Variants in ARHGEF10 observed in about 807,000 individuals in gnomAD.
ARHGEF10 encodes Rho guanine nucleotide exchange factor (GEF) 10.
ARHGEF10 carries 140 observed loss-of-function variants against 147.4 expected under a neutral mutation model. That is an observed-to-expected ratio of 0.95 (90% confidence interval 0.83 to 1.09). ARHGEF10 has a LOEUF of 1.09. Among genes scored for constraint, ARHGEF10 ranks in the 50% least tolerant of loss-of-function variants. The pLI, the probability that ARHGEF10 is intolerant of heterozygous loss-of-function variation, is 0.00. For missense variants in ARHGEF10, 2,222 were observed against 1,752.7 expected, an observed-to-expected ratio of 1.27 and a Z score of -4.78; for synonymous variants, 902 against 695.8, an observed-to-expected ratio of 1.30 and a Z score of -4.67.
In ARHGEF10 at chr8:1,858,075, G is replaced by A; in HGVS notation, c.153G>A (p.Glu51=). ...ACAGACAGGCCCCATCCGCCCCTGA[G>A]ACAGGAGGTGCTGGAGCCAGTGAAG... The part of the protein sequence containing the change: ...EADRQAPSAP[E]TGGAGASEAP... Residue 51 remains glutamate (E), a synonymous_variant, in exon 3 of 29, where the codon GAG becomes GAA. Transcript: ENST00000349830. The A allele has an allele frequency of 3.7e-6, 6 of 1,612,648 alleles. No homozygotes were observed. The highest frequency in any genetic ancestry group is 5.1e-6 in the Non-Finnish European group (6 of 1,179,542).
At chr8:1,888,135 G>C (rs1472180058) in intron 11 of ARHGEF10, among the ~76,000 whole-genome samples, 1 of 100,428 alleles carries the variant, frequency 1.0e-5, no homozygotes, top group African/African-American at 3.8e-5. Context: ...GAGGGTTTGC[G>C]AGGAGACACT....
chr8:1,871,333 A>C (rs927215911), intron 7 of ARHGEF10, among the ~76,000 whole-genome samples: 2 of 152,118 alleles, frequency 1.3e-5, no homozygotes, highest in African/African-American at 4.8e-5. Context: ...ATTTCCTCAT[A>C]ATAACTGAAT....
In ARHGEF10 at chr8:1,933,929, C is replaced by T. The variant is rs1427932674; in HGVS notation, c.3209C>T (p.Thr1070Ile). 2 of 1,614,162 alleles carry T rather than the reference C, an allele frequency of 1.2e-6. No homozygotes were observed. Among genetic ancestry groups the T allele is most frequent in the Middle Eastern group, 1.6e-4 (1 of 6,062 alleles). Residue 1070 changes from threonine (T) to isoleucine (I), a missense_variant, in exon 26 of 29, where the codon ACT becomes ATT. Thr to Ile is a moderately conservative substitution (Grantham distance 89). Transcript: ENST00000349830. The stretch of plus-strand genomic sequence containing the variant: ...CAAGTCTTCATCATCAGTGTGGAGA[C>T]TCATGCTGTAGAGGTAAGTCACTTA... ...GGQVFIISVE[T>I]HAVEGQLEAH...
chr8:1,838,962 GTCTGGCGTGGGGACTC>G (rs1285852042), intron 1 of ARHGEF10, among the ~76,000 whole-genome samples: 1 of 151,552 alleles, frequency 6.6e-6, no homozygotes, highest in Admixed American at 6.6e-5. Context: ...CATGGAAGCT[GTCTGGCGTGGGGACTC>G]TCTGGCGTGG....
At position 1,864,770 on chromosome 8, in the gene ARHGEF10, C is replaced by T. The variant is rs745347700; in HGVS notation, c.545+334C>T. Reference sequence around the variant, plus strand: ...GGCCTTTGCAGGGTAAAGCGTCCCCCGTGAAACCGCCTGCAGGCGGGTGGG... The same window carrying T: ...GGCCTTTGCAGGGTAAAGCGTCCCCTGTGAAACCGCCTGCAGGCGGGTGGG... On this transcript the variant is annotated intron_variant, in intron 5 of 28. Transcript: ENST00000349830. 3.3e-5 allele frequency among the ~76,000 whole-genome samples: 5 copies of T among 152,200 alleles called. 1 individual carries two copies. The highest frequency in any genetic ancestry group is 2.0e-4 in the Admixed American group (3 of 15,280).
At chr8:1,828,010 G>T (rs771268205) in intron 1 of ARHGEF10, among the ~76,000 whole-genome samples, 1 of 152,178 alleles carries the variant, frequency 6.6e-6, no homozygotes, top group Non-Finnish European at 1.5e-5. Flanking sequence ...GCCATTCTAG[G>T]TTCCAATATC....
In ARHGEF10 at chr8:1,923,830, A is replaced by G. The variant is rs1290113376; in HGVS notation, c.2444A>G (p.Lys815Arg). The change falls in exon 21 of 29, where the codon AAG (lysine) becomes AGG (arginine). Residue 815 changes from lysine (K) to arginine (R), a missense_variant. Physicochemically the swap from Lys to Arg is conservative, Grantham distance 26. Coordinates refer to ENST00000349830, the MANE Select transcript of ARHGEF10 (RefSeq NM_014629.4). The stretch of plus-strand genomic sequence containing the variant: ...TTCAATACGTTCACCCCTGCCATCA[A>G]GGAGTCCTGGGTCAACAGCTTACAG... ...AVFNTFTPAIKESWVNSLQMA... is the reference protein window; with the variant it reads ...AVFNTFTPAIRESWVNSLQMA... 1.9e-6 allele frequency: 3 copies of G among 1,614,174 alleles called. No individual in the cohort carries two copies. The Admixed American group carries it at 5.0e-5, about 27-fold the overall frequency.
chr8:1,949,018 A>G (rs62476261), intron 27 of ARHGEF10, among the ~76,000 whole-genome samples: 1,603 of 150,086 alleles, frequency 0.011, 46 homozygotes, highest in African/African-American at 0.037. Context: ...ATGGGTTTTC[A>G]TGTGTGTGTG....
At chr8:1,859,804 A>T (rs1337703126) in intron 3 of ARHGEF10, 93 bp from the exon 4 acceptor site, 1 of 1,472,942 alleles carries the variant, frequency 6.8e-7, no homozygotes, top group Non-Finnish European at 9.4e-7. Context: ...TGATGGTGGG[A>T]GCTCATACCT....
At chr8:1,824,516 T>C (rs1802616818) in intron 1 of ARHGEF10, among the ~76,000 whole-genome samples, 1 of 151,732 alleles carries the variant, frequency 6.6e-6, no homozygotes, top group Non-Finnish European at 1.5e-5. Context: ...GAAGGACCGG[T>C]GTAAGGAAAG....
At chr8:1,924,258 C>T (rs971211248) in intron 21 of ARHGEF10, among the ~76,000 whole-genome samples, 2 of 152,120 alleles carry the variant, frequency 1.3e-5, no homozygotes, top group African/African-American at 4.8e-5. Flanking sequence ...GCTCACCCCT[C>T]ACTGAGAAGC....
intron 4 of ARHGEF10, among the ~76,000 whole-genome samples, chr8:1,863,912 C>G (rs2294031): frequency 0.048 from 7,263 of 151,866 alleles, 281 homozygotes; most frequent in African/African-American, 0.11. Flanking sequence ...AGCGTAACCA[C>G]TCCTCTCTTG....
At position 1,955,838 on chromosome 8, in the gene ARHGEF10, G is replaced by C. The variant is rs1815519357; in HGVS notation, c.3521-911G>C. 2.0e-5 allele frequency among the ~76,000 whole-genome samples: 3 copies of C among 152,266 alleles called. No individual in the cohort carries two copies. The South Asian group carries it at 6.2e-4, about 31-fold the overall frequency. On this transcript the variant is annotated intron_variant, in intron 28 of 28. Coordinates refer to ENST00000349830, the MANE Select transcript of ARHGEF10 (RefSeq NM_014629.4). ...GGCTTGCCCAGGGGCAGCATCGCTG[G>C]TGTGCAGGGATCACAGGTGTGTGCT...
chr8:1,827,860 C>A (rs558612751), intron 1 of ARHGEF10, among the ~76,000 whole-genome samples: 10 of 152,106 alleles, frequency 6.6e-5, no homozygotes, highest in Non-Finnish European at 1.3e-4. Flanking sequence ...AATATGGTAT[C>A]CAGAGCTGTG....
chr8:1,863,820 GT>G (rs1806354751), intron 4 of ARHGEF10, among the ~76,000 whole-genome samples: 1 of 152,002 alleles, frequency 6.6e-6, no homozygotes, highest in African/African-American at 2.4e-5. Context: ...GGGAGGAATC[GT>G]CAGGCGGGTC....
At chr8:1,952,919 C>G in intron 28 of ARHGEF10, 92 bp downstream of exon 28, 1 of 1,546,402 alleles carries the variant, frequency 6.5e-7, no homozygotes, top group Non-Finnish European at 8.9e-7. Context: ...TCCTAGGATT[C>G]TTTAAACAAT....
intron 4 of ARHGEF10, 128 bp downstream of exon 4, chr8:1,860,312 G>T: frequency 7.6e-7 from 1 of 1,322,442 alleles, no homozygotes; most frequent in East Asian, 2.5e-5. Flanking sequence ...TAGAGTCCGG[G>T]CCTGACCTTC....
intron 9 of ARHGEF10, among the ~76,000 whole-genome samples, chr8:1,882,253 G>T (rs1244389669): frequency 6.6e-6 from 1 of 152,234 alleles, no homozygotes. Flanking sequence ...GCCCCGGGGA[G>T]GTTAAAAGGC....
chr8:1,945,396 C>T (rs1814482467), intron 26 of ARHGEF10, 85 bp from the exon 27 acceptor site: 1 of 1,502,582 alleles, frequency 6.7e-7, no homozygotes, highest in South Asian at 1.2e-5. Context: ...CTGAATGGCG[C>T]TCCAGCTGGA....
Sources: gnomAD v4.1 joint callset for allele counts (sites outside exome capture counted in the v4.1 genomes callset) on GRCh38, gnomAD v4.1.1 for gene constraint, MANE v1.5 for transcripts, NCBI Gene and HGNC (gene_info 2026-07-23, HGNC 2026-07-21) for gene names.